ABHD2: variants seen among roughly 807,000 people sequenced by gnomAD.
The protein encoded by ABHD2 is abhydrolase domain containing 2, acylglycerol lipase, also known as monoacylglycerol lipase ABHD2.
In ABHD2, 20 loss-of-function variants were observed where a neutral mutation model predicts 48.1. The observed-to-expected ratio is 0.42, with a 90% CI of 0.29 to 0.60. ABHD2 has a LOEUF of 0.60. Among genes scored for constraint, ABHD2 ranks in the 20% least tolerant of loss-of-function variants. The pLI, the probability that ABHD2 is intolerant of heterozygous loss-of-function variation, is 0.24. For synonymous variants in ABHD2, 209 were observed against 214.2 expected (o/e 0.98, Z 0.21); for missense variants, 405 against 550.9 (o/e 0.74, Z 2.65).
Position 89,113,240 on chromosome 15 carries a change from T to C in ABHD2, c.-106-485T>C, listed in dbSNP as rs180721896. 9.2e-5 allele frequency among the ~76,000 whole-genome samples: 14 copies of C among 152,360 alleles called. No individual in the cohort carries two copies. The East Asian group carries it at 2.7e-3, about 29-fold the overall frequency. ...TTTGCTTTTGGCCCTGTTCTGTTTC[T>C]GGTACTTTGTTTTTGAGCCCATCTG... On this transcript the variant is annotated intron_variant, in intron 1 of 10. Coordinates refer to ENST00000352732, the MANE Select transcript of ABHD2 (RefSeq NM_152924.5).
In ABHD2 at chr15:89,177,685, G is replaced by C. The variant is rs1682744412; in HGVS notation, c.722+1690G>C. Among the ~76,000 whole-genome samples the C allele has an allele frequency of 1.3e-5, 2 of 152,012 alleles. No individual in the cohort carries two copies. Among genetic ancestry groups the C allele is most frequent in the Admixed American group, 6.6e-5 (1 of 15,250 alleles). The stretch of plus-strand genomic sequence containing the variant: ...CTGGACACTGGGGAGTCAGCTGAGA[G>C]GACATGTGCCTTTATCTTGGTGGGA... On this transcript the variant is annotated intron_variant, in intron 6 of 10. Transcript: ENST00000352732. The surrounding 1 kb of genome is among the most constrained non-coding windows in gnomAD (Gnocchi z 5.6).
chr15:89,060,829 C>A, the ABHD2 span, among the ~76,000 whole-genome samples: 1 of 152,086 alleles, frequency 6.6e-6, no homozygotes, highest in South Asian at 2.1e-4. Flanking sequence ...CTAGTTTTGT[C>A]CTGTGCCTTT....
Position 89,185,366 on chromosome 15 carries a change from T to TGGCTGCC in ABHD2, c.723-57_723-51dup. Reference sequence around the variant, plus strand: ...TCACCCCATGGCTAGAGCCCCCTCCTGGCTGCCCGCCTGCACCCCCACACC... The same window carrying TGGCTGCC: ...TCACCCCATGGCTAGAGCCCCCTCCTGGCTGCCGGCTGCCCGCCTGCACCCCCACACC... On this transcript the variant is annotated intron_variant, in intron 6 of 10. Coordinates refer to ENST00000352732, the MANE Select transcript of ABHD2 (RefSeq NM_152924.5). The surrounding 1 kb of genome is among the most constrained non-coding windows in gnomAD (Gnocchi z 5.9). 2 of 1,452,492 alleles carry TGGCTGCC rather than the reference T, an allele frequency of 1.4e-6. No homozygotes were observed. The highest frequency in any genetic ancestry group is 4.5e-5 in the East Asian group (2 of 43,990). 90.0% of individuals were successfully genotyped at this position (1,452,492 alleles called of 1,614,324 possible). A position where few individuals can be genotyped will look rare whatever the true frequency, so the allele number is the denominator to read the frequency against.
At chr15:89,121,630 C>T (rs989408851) in intron 3 of ABHD2, among the ~76,000 whole-genome samples, 1 of 152,088 alleles carries the variant, frequency 6.6e-6, no homozygotes, top group Non-Finnish European at 1.5e-5. Flanking sequence ...ACCCATCTGT[C>T]ATAATACTAC....
chr15:89,171,987 T>A (rs1449068642), intron 5 of ABHD2, among the ~76,000 whole-genome samples: 1 of 151,478 alleles, frequency 6.6e-6, no homozygotes, highest in Non-Finnish European at 1.5e-5. Flanking sequence ...AATGATTCAG[T>A]AAGCCATTTA....
At chr15:89,065,621 T>C in the ABHD2 span, among the ~76,000 whole-genome samples, 1 of 152,220 alleles carries the variant, frequency 6.6e-6, no homozygotes, top group Non-Finnish European at 1.5e-5. Flanking sequence ...CATAATTGAC[T>C]AATATCCCTT....
At chr15:89,178,197 C>T (rs2051048123) in intron 6 of ABHD2, among the ~76,000 whole-genome samples, 1 of 152,188 alleles carries the variant, frequency 6.6e-6, no homozygotes, top group African/African-American at 2.4e-5. Context: ...TGTGGTCCTG[C>T]ATATGGGAAC....
chr15:89,121,877 G>A (rs1272069868), intron 3 of ABHD2, among the ~76,000 whole-genome samples: 2 of 152,158 alleles, frequency 1.3e-5, no homozygotes, highest in African/African-American at 2.4e-5. Flanking sequence ...TGCCCAGGCT[G>A]GAGTGCAGTA....
At chr15:89,083,571 A>G (rs1259058795), upstream of ABHD2, among the ~76,000 whole-genome samples, 1 of 152,216 alleles carries the variant, frequency 6.6e-6, no homozygotes, top group Non-Finnish European at 1.5e-5. The surrounding 1 kb of genome is among the most constrained non-coding windows in gnomAD (Gnocchi z 5.1). Context: ...TATTACCATA[A>G]AATTTATCAA....
In ABHD2 at chr15:89,198,794, G is replaced by C. The variant is rs2051439428; in HGVS notation, c.*3371G>C. ...TGCAGGTGGAAACAGCTGTGTCAAG[G>C]CTCAAGGCTCACGCTGAGGGGACTT... On this transcript the variant is annotated 3_prime_UTR_variant, in exon 11 of 11. Transcript: ENST00000352732. The surrounding 1 kb of genome is among the most constrained non-coding windows in gnomAD (Gnocchi z 5.1). 1.3e-5 allele frequency: 2 copies of C among 152,200 alleles called. No individual in the cohort carries two copies. The highest frequency in any genetic ancestry group is 6.5e-5 in the Admixed American group (1 of 15,278). 9.4% of individuals were successfully genotyped at this position (152,200 alleles called of 1,614,324 possible).
At chr15:89,134,322 T>C (rs2050268406) in intron 3 of ABHD2, among the ~76,000 whole-genome samples, 1 of 152,252 alleles carries the variant, frequency 6.6e-6, no homozygotes, top group African/African-American at 2.4e-5. Flanking sequence ...CCAGAATTTA[T>C]CCTGGTGTGA....
rs1310273776 is a variant in ABHD2 at position 89,186,357 on chromosome 15, A to C, written c.815+841A>C. The stretch of plus-strand genomic sequence containing the variant: ...AGTGCTGTTATGCATAGCACCAGAT[A>C]AATATTAGCAATGACTTTTTCATTA... On this transcript the variant is annotated intron_variant, in intron 7 of 10. Coordinates refer to ENST00000352732, the MANE Select transcript of ABHD2 (RefSeq NM_152924.5). This position sits in a 1 kb window ranked among gnomAD's most constrained non-coding sequence, Gnocchi z 4.3. Among the ~76,000 whole-genome samples the C allele has an allele frequency of 6.6e-6, 1 of 152,184 alleles. No homozygotes were observed. Among genetic ancestry groups the C allele is most frequent in the Non-Finnish European group, 1.5e-5 (1 of 68,026 alleles).
chr15:89,187,871 G>A (rs1393495959), intron 7 of ABHD2, among the ~76,000 whole-genome samples: 3 of 152,170 alleles, frequency 2.0e-5, no homozygotes, highest in African/African-American at 7.2e-5. Flanking sequence ...GTGTAAGGAC[G>A]ACGCCCCTAC....
Position 89,188,361 on chromosome 15 carries a change from G to T in ABHD2, c.926+58G>T. The T allele has an allele frequency of 6.6e-7, 1 of 1,505,496 alleles. No homozygotes were observed. Among genetic ancestry groups the T allele is most frequent in the Non-Finnish European group, 9.2e-7 (1 of 1,085,266 alleles). 93.3% of individuals were successfully genotyped at this position (1,505,496 alleles called of 1,614,324 possible). A position where few individuals can be genotyped will look rare whatever the true frequency, so the allele number is the denominator to read the frequency against. On this transcript the variant is annotated intron_variant, in intron 8 of 10. Coordinates refer to ENST00000352732, the MANE Select transcript of ABHD2 (RefSeq NM_152924.5). The surrounding 1 kb of genome is among the most constrained non-coding windows in gnomAD (Gnocchi z 4.1). The stretch of plus-strand genomic sequence containing the variant: ...GGGGCAGGGTGCCAGGCAGGAGGCT[G>T]CAGGTCAGCTGTGCCCAGCACTAGT...
chr15:89,200,867 A>G lies in ABHD2; in HGVS notation c.*5444A>G, dbSNP rs994388966. The G allele has an allele frequency of 5.5e-5, 19 of 346,648 alleles. No homozygotes were observed. The highest frequency in any genetic ancestry group is 4.9e-4 in the Admixed American group (13 of 26,356). 21.5% of individuals were successfully genotyped at this position (346,648 alleles called of 1,614,324 possible). A position where few individuals can be genotyped will look rare whatever the true frequency, so the allele number is the denominator to read the frequency against. Reference sequence around the variant, plus strand: ...GAGGCCGAGGCGGGTAGATCACCTGAGGTTAGGAGTTCAAGACCAGCCTGG... The same window carrying G: ...GAGGCCGAGGCGGGTAGATCACCTGGGGTTAGGAGTTCAAGACCAGCCTGG... On this transcript the variant is annotated 3_prime_UTR_variant, in exon 11 of 11. Coordinates refer to ENST00000352732, the MANE Select transcript of ABHD2 (RefSeq NM_152924.5).
At chr15:89,191,049 T>C (rs1421018035) in intron 8 of ABHD2, 31 bp from the exon 9 acceptor site, 1 of 1,609,428 alleles carries the variant, frequency 6.2e-7, no homozygotes. Flanking sequence ...TTTTGTCCTT[T>C]TTCTTTTTTT....
At chr15:89,083,324 A>G (rs1276057453), upstream of ABHD2, among the ~76,000 whole-genome samples, 1 of 152,248 alleles carries the variant, frequency 6.6e-6, no homozygotes, top group Non-Finnish European at 1.5e-5. This position sits in a 1 kb window ranked among gnomAD's most constrained non-coding sequence, Gnocchi z 5.1. Flanking sequence ...TGCAATTAAT[A>G]GTATGAAAAA....
At chr15:89,139,707 C>G (rs2050372566) in intron 3 of ABHD2, among the ~76,000 whole-genome samples, 1 of 152,052 alleles carries the variant, frequency 6.6e-6, no homozygotes, top group South Asian at 2.1e-4. Flanking sequence ...TAAAGGTCAC[C>G]TTTTTTTCTC....
At chr15:89,089,147 A>T (rs1417443420) in intron 1 of ABHD2, among the ~76,000 whole-genome samples, 3 of 152,236 alleles carry the variant, frequency 2.0e-5, no homozygotes, top group Admixed American at 2.0e-4. Context: ...GCTGTCCAGC[A>T]GCGCAGGAGG....
Sources: gnomAD v4.1 joint callset for allele counts (sites outside exome capture counted in the v4.1 genomes callset) on GRCh38, gnomAD v4.1.1 for gene constraint, Gnocchi (gnomAD v3.1) non-coding constraint, MANE v1.5 for transcripts, NCBI Gene and HGNC (gene_info 2026-07-23, HGNC 2026-07-21) for gene names.